The following PTPRD variants were observed in gnomAD, a reference collection of about 807,000 sequenced individuals.
PTPRD encodes protein tyrosine phosphatase receptor type D, also known as receptor-type tyrosine-protein phosphatase delta.
Under a neutral mutation model 214.5 loss-of-function variants are expected in PTPRD, and 34 were observed. The ratio of observed to expected loss-of-function variants is 0.16; its 90% CI spans 0.12 to 0.21. The LOEUF is 0.21. PTPRD is among the 10% of genes least tolerant of loss of function. PTPRD has a pLI of 1.00. For synonymous variants in PTPRD, 1,128 were observed against 845.7 expected (o/e 1.33, Z -5.79); for missense variants, 2,545 against 2,398.7 (o/e 1.06, Z -1.27).
At chr9:10,253,564 T>C (rs1292652899) in intron 3 of PTPRD, among the ~76,000 whole-genome samples, 1 of 152,184 alleles carries the variant, frequency 6.6e-6, no homozygotes, top group Non-Finnish European at 1.5e-5. Context: ...GAATTCAAGA[T>C]GCTAATTATA....
intron 5 of PTPRD, among the ~76,000 whole-genome samples, chr9:9,860,402 T>C (rs10978043): frequency 0.14 from 21,857 of 152,302 alleles, 1,759 homozygotes; most frequent in Non-Finnish European, 0.18. Flanking sequence ...ATAAAGTAGG[T>C]ACATTTGCCT....
At chr9:10,270,037 G>C (rs1293262186) in intron 3 of PTPRD, among the ~76,000 whole-genome samples, 2 of 152,012 alleles carry the variant, frequency 1.3e-5, no homozygotes, top group Admixed American at 1.3e-4. Context: ...TACATAATTA[G>C]CTGATAATGA....
chr9:10,074,061 CCTTGTGTAAG>C (rs1178767008), intron 3 of PTPRD, among the ~76,000 whole-genome samples: 1 of 152,040 alleles, frequency 6.6e-6, no homozygotes, highest in Non-Finnish European at 1.5e-5. Context: ...TGAAACATTA[CCTTGTGTAAG>C]CTGTCACAGA....
At chr9:8,410,655 C>T (rs1171836046) in intron 35 of PTPRD, among the ~76,000 whole-genome samples, 1 of 151,982 alleles carries the variant, frequency 6.6e-6, no homozygotes, top group Non-Finnish European at 1.5e-5. Flanking sequence ...ATAAATATAC[C>T]ACACTCATTG....
chr9:9,467,588 C>CAAAAAAATAATAAAAAAAAAAAAAAAA (rs2094287717), intron 8 of PTPRD, among the ~76,000 whole-genome samples: 9 of 55,954 alleles, frequency 1.6e-4, no homozygotes, highest in African/African-American at 5.2e-4. Context: ...CTCCATCTCC[C>CAAAAAAATAATAAAAAAAAAAAAAAAA]AAAAAAAAAA....
At chr9:8,331,792 C>G (rs2131666282) in intron 43 of PTPRD, 56 bp from the exon 44 acceptor site, 1 of 1,512,204 alleles carries the variant, frequency 6.6e-7, no homozygotes, top group Non-Finnish European at 8.8e-7. Flanking sequence ...GAGGATTCAG[C>G]AAGCATACGG....
chr9:8,812,314 G>C (rs183439945), intron 11 of PTPRD, among the ~76,000 whole-genome samples: 1 of 152,082 alleles, frequency 6.6e-6, no homozygotes, highest in African/African-American at 2.4e-5. Context: ...TAAAGCATAA[G>C]AATCTATATA....
In PTPRD at chr9:9,182,665, T is replaced by C. The variant is rs2099928886; in HGVS notation, c.-143+639A>G. Among the ~76,000 whole-genome samples, 5 of 151,970 alleles carry C rather than the reference T, an allele frequency of 3.3e-5. No individual in the cohort carries two copies. In the South Asian group the frequency reaches 8.3e-4, roughly 25 times the overall value. On this transcript the variant is annotated intron_variant, in intron 10 of 45. Transcript: ENST00000381196. ...AGAGGATTTTAAACAAAAAGTATTA[T>C]TATGGTAGATGAAATGTTTATATTA...
Position 9,793,944 on chromosome 9 carries a change from C to G in PTPRD, c.-367-27093G>C, listed in dbSNP as rs151326505. 1.8e-3 allele frequency among the ~76,000 whole-genome samples: 274 copies of G among 151,882 alleles called. 4 individuals carry two copies. The East Asian group carries it at 0.046, about 26-fold the overall frequency. On this transcript the variant is annotated intron_variant, in intron 5 of 45. Coordinates refer to ENST00000381196, the MANE Select transcript of PTPRD (RefSeq NM_002839.4). ...ACTACTTCCTAAAATATAAGAGTAT[C>G]AAAGAGCTGAAGAATAATCAAAAGG...
chr9:10,449,481 C>T (rs1475109827), intron 2 of PTPRD, among the ~76,000 whole-genome samples: 3 of 149,982 alleles, frequency 2.0e-5, no homozygotes, highest in Non-Finnish European at 4.4e-5. Flanking sequence ...AAGTGAGGAG[C>T]CTCTCTGCCT....
intron 7 of PTPRD, among the ~76,000 whole-genome samples, chr9:9,625,053 A>G (rs1456839736): frequency 6.6e-6 from 1 of 152,238 alleles, no homozygotes; most frequent in African/African-American, 2.4e-5. Context: ...TCTTAAATCC[A>G]TAGTGATGAC....
chr9:9,332,508 T>C (rs889618094), intron 9 of PTPRD, among the ~76,000 whole-genome samples: 5 of 150,784 alleles, frequency 3.3e-5, no homozygotes, highest in African/African-American at 7.3e-5. Flanking sequence ...GTAAATGCGA[T>C]AGTCGAGGAA....
At chr9:10,533,402 G>C (rs1425234914) in intron 2 of PTPRD, among the ~76,000 whole-genome samples, 1 of 152,070 alleles carries the variant, frequency 6.6e-6, no homozygotes, top group African/African-American at 2.4e-5. Context: ...CTTATATTGT[G>C]TCTTATTTGT....
intron 14 of PTPRD, among the ~76,000 whole-genome samples, chr9:8,540,061 T>C (rs2078010876): frequency 6.6e-6 from 1 of 152,174 alleles, no homozygotes; most frequent in African/African-American, 2.4e-5. Flanking sequence ...CAAGGCATCA[T>C]GTCGGCAATT....
intron 5 of PTPRD, among the ~76,000 whole-genome samples, chr9:9,840,668 C>G (rs113216763): frequency 6.9e-5 from 10 of 145,104 alleles, no homozygotes; most frequent in African/African-American, 2.3e-4. Flanking sequence ...GAGGCTGAGG[C>G]AGGAGAATCG....
rs2098237053 is a variant in PTPRD, at chr9:8,707,603, G to A, written c.64+26177C>T. 2.0e-5 allele frequency among the ~76,000 whole-genome samples: 3 copies of A among 152,206 alleles called. No individual in the cohort carries two copies. In the South Asian group the frequency reaches 6.2e-4, roughly 31 times the overall value. On this transcript the variant is annotated intron_variant, in intron 12 of 45. Transcript: ENST00000381196. Reference sequence around the variant, plus strand: ...AAGCAGGCAGTTAGGGAGGTGAGTAGTCTAAGTTCTAGTTTTTCCTTTCCA... The same window carrying A: ...AAGCAGGCAGTTAGGGAGGTGAGTAATCTAAGTTCTAGTTTTTCCTTTCCA...
chr9:8,530,877 G>A (rs1005467319), intron 14 of PTPRD, among the ~76,000 whole-genome samples: 11 of 152,026 alleles, frequency 7.2e-5, no homozygotes, highest in African/African-American at 2.2e-4. Context: ...AAGGAAAAGC[G>A]TAGACTCTGG....
At chr9:9,208,513 A>G (rs1212240406) in intron 9 of PTPRD, among the ~76,000 whole-genome samples, 1 of 152,100 alleles carries the variant, frequency 6.6e-6, no homozygotes, top group Non-Finnish European at 1.5e-5. Flanking sequence ...TTTGCTTTGT[A>G]GAGTTTACTT....
At chr9:10,389,400 G>C (rs1158009815) in intron 2 of PTPRD, among the ~76,000 whole-genome samples, 6 of 151,784 alleles carry the variant, frequency 4.0e-5, no homozygotes, top group African/African-American at 1.2e-4. Flanking sequence ...TATTTTTCAA[G>C]ATATCCCATG....
Sources: gnomAD v4.1 joint callset for allele counts (sites outside exome capture counted in the v4.1 genomes callset) on GRCh38, gnomAD v4.1.1 for gene constraint, MANE v1.5 for transcripts, NCBI Gene and HGNC (gene_info 2026-07-23, HGNC 2026-07-21) for gene names.